Variants in SPOCK1 observed in about 807,000 individuals in gnomAD.
SPOCK1 encodes testican-1.
Under a neutral mutation model 55.3 loss-of-function variants are expected in SPOCK1, and 23 were observed. The ratio of observed to expected loss-of-function variants is 0.42; its 90% confidence interval spans 0.30 to 0.59. The LOEUF (loss-of-function observed/expected upper bound fraction) is 0.59. SPOCK1 is among the 20% of genes least tolerant of loss of function. The pLI is 0.22. For synonymous variants in SPOCK1, 226 were observed against 221.0 expected (o/e 1.02, Z -0.20); for missense variants, 499 against 552.5 (o/e 0.90, Z 0.97).
chr5:137,441,307 G>A (rs1753001427), intron 2 of SPOCK1, among the ~76,000 whole-genome samples: 1 of 152,210 alleles, frequency 6.6e-6, no homozygotes, highest in Non-Finnish European at 1.5e-5. Flanking sequence ...GTATGAGGCA[G>A]AGGGCCACTG....
chr5:137,486,321 G>A (rs542463296), intron 2 of SPOCK1, among the ~76,000 whole-genome samples: 2 of 152,322 alleles, frequency 1.3e-5, no homozygotes, highest in African/African-American at 4.8e-5. Flanking sequence ...CATGGCCCTG[G>A]ATCACAAGAA....
intron 3 of SPOCK1, among the ~76,000 whole-genome samples, chr5:137,173,490 T>C (rs1831751042): frequency 6.6e-6 from 1 of 152,196 alleles, no homozygotes; most frequent in Admixed American, 6.5e-5. Flanking sequence ...ATCCAATTGC[T>C]ATTCCATTTC....
At position 137,164,556 on chromosome 5, in the gene SPOCK1, C is replaced by A. The variant is rs144961291; in HGVS notation, c.233-23862G>T. Among the ~76,000 whole-genome samples the A allele has an allele frequency of 9.4e-3, 1,439 of 152,288 alleles. 18 individuals are homozygous for A. The highest frequency in any genetic ancestry group is 0.037 in the South Asian group (178 of 4,822). On this transcript the variant is annotated intron_variant, in intron 3 of 10. Coordinates refer to ENST00000394945, the MANE Select transcript of SPOCK1 (RefSeq NM_004598.4). ...ACAGTGAGAGACTCAGGGAGGCTTT[C>A]TTTTGTACCTTAGGTACCAACTTGG... is the stretch of plus-strand genomic sequence containing the variant.
chr5:137,158,065 C>A lies in SPOCK1; in HGVS notation c.233-17371G>T, dbSNP rs1438938322. Among the ~76,000 whole-genome samples, 3 of 151,882 alleles carry A rather than the reference C, an allele frequency of 2.0e-5. No homozygotes were observed. The South Asian group carries it at 6.2e-4, about 32-fold the overall frequency. ...CAGCAAGAGGGAGACTCCATCCCCC[C>A]AAAAAAAAGAAAACTTGCCACAAAA... On this transcript the variant is annotated intron_variant, in intron 3 of 10. Transcript: ENST00000394945.
intron 2 of SPOCK1, among the ~76,000 whole-genome samples, chr5:137,305,311 G>A (rs73789907): frequency 0.045 from 6,837 of 152,226 alleles, 525 homozygotes; most frequent in African/African-American, 0.15. Context: ...CTCTCACCCC[G>A]TGTGTCTGTG....
chr5:137,014,927 G>A (rs565456516), intron 6 of SPOCK1, among the ~76,000 whole-genome samples: 10 of 152,324 alleles, frequency 6.6e-5, no homozygotes, highest in Admixed American at 2.6e-4. Flanking sequence ...AGGGTGAACA[G>A]ACAAAGGTCA....
intron 5 of SPOCK1, among the ~76,000 whole-genome samples, chr5:137,071,019 CTTTTTTTT>C (rs10570894): frequency 7.1e-6 from 1 of 141,118 alleles, no homozygotes; most frequent in African/African-American, 2.6e-5. Flanking sequence ...AGGCCAATTT[CTTTTTTTT>C]TTTTTTTTTT....
At chr5:137,196,978 T>A (rs1266195170) in intron 3 of SPOCK1, among the ~76,000 whole-genome samples, 1 of 152,204 alleles carries the variant, frequency 6.6e-6, no homozygotes. Context: ...AATAACCTAG[T>A]CACCCCGGAG....
chr5:137,445,972 T>C (rs1044271371), intron 2 of SPOCK1, among the ~76,000 whole-genome samples: 15 of 152,178 alleles, frequency 9.9e-5, no homozygotes. Flanking sequence ...CTAAGACTGA[T>C]TCCAGCTTTG....
chr5:137,153,790 C>T (rs964253880), intron 3 of SPOCK1, among the ~76,000 whole-genome samples: 1 of 151,282 alleles, frequency 6.6e-6, no homozygotes, highest in South Asian at 2.1e-4. Context: ...CCCAGGAGGT[C>T]AAGGCTGCAG....
intron 2 of SPOCK1, among the ~76,000 whole-genome samples, chr5:137,290,024 G>A (rs1028193755): frequency 4.6e-5 from 7 of 152,134 alleles, no homozygotes; most frequent in Admixed American, 1.3e-4. Context: ...TGCTACAGCT[G>A]CTTCAGAAAA....
intron 6 of SPOCK1, among the ~76,000 whole-genome samples, chr5:137,038,405 T>C (rs563398947): frequency 2.5e-4 from 38 of 152,282 alleles, no homozygotes; most frequent in African/African-American, 8.2e-4. Context: ...CCAGTAGACA[T>C]CTTCTGCCCC....
At chr5:137,113,005 G>A (rs551254858) in intron 4 of SPOCK1, among the ~76,000 whole-genome samples, 5 of 152,260 alleles carry the variant, frequency 3.3e-5, no homozygotes, top group South Asian at 2.1e-4. Flanking sequence ...CTCAATGAGC[G>A]CTTTAGACAA....
chr5:137,332,817 A>G (rs1758211409), intron 2 of SPOCK1, among the ~76,000 whole-genome samples: 1 of 152,230 alleles, frequency 6.6e-6, no homozygotes, highest in Non-Finnish European at 1.5e-5. Flanking sequence ...AAAAATGCAT[A>G]TATAACAAAC....
At chr5:137,227,273 G>C (rs1471160266) in intron 3 of SPOCK1, among the ~76,000 whole-genome samples, 1 of 152,160 alleles carries the variant, frequency 6.6e-6, no homozygotes, top group Non-Finnish European at 1.5e-5. Context: ...CCAAGAAAGT[G>C]CCTCAACATC....
intron 2 of SPOCK1, among the ~76,000 whole-genome samples, chr5:137,275,374 ACCATCCCT>A (rs1301087079): frequency 6.6e-6 from 1 of 152,088 alleles, no homozygotes; most frequent in East Asian, 1.9e-4. Context: ...CTACCACCTC[ACCATCCCT>A]CCCCACTTAT....
chr5:137,226,680 A>G (rs1464329035), intron 3 of SPOCK1, among the ~76,000 whole-genome samples: 1 of 152,198 alleles, frequency 6.6e-6, no homozygotes, highest in African/African-American at 2.4e-5. Flanking sequence ...CCGTAGGCTC[A>G]GGACTTGCCC....
At chr5:137,279,761 C>T (rs1757134768) in intron 2 of SPOCK1, among the ~76,000 whole-genome samples, 1 of 152,208 alleles carries the variant, frequency 6.6e-6, no homozygotes. Flanking sequence ...TAAGCCATGA[C>T]ACTGTATCTA....
intron 2 of SPOCK1, among the ~76,000 whole-genome samples, chr5:137,397,357 T>A (rs758584839): frequency 1.3e-5 from 2 of 152,180 alleles, no homozygotes; most frequent in Non-Finnish European, 2.9e-5. Flanking sequence ...CTCCTAGAGA[T>A]CAACATCTGG....
Sources: allele counts gnomAD v4.1 joint callset (sites outside exome capture counted in the v4.1 genomes callset), GRCh38; gene constraint gnomAD v4.1.1; transcripts MANE v1.5; gene names NCBI Gene and HGNC (gene_info 2026-07-23, HGNC 2026-07-21).